NKIRAS1: variants seen among roughly 807,000 people sequenced by gnomAD.
NKIRAS1 encodes the protein NFKB inhibitor interacting Ras like 1.
In NKIRAS1, 16 loss-of-function variants were observed where a neutral mutation model predicts 19.8. That is an observed-to-expected ratio of 0.81 (90% confidence interval 0.55 to 1.23). The LOEUF (loss-of-function observed/expected upper bound fraction) is 1.23, where lower values mean the gene tolerates loss of function less well. Ranked by LOEUF, NKIRAS1 falls within the 50% of genes most tolerant of loss-of-function variation. The pLI is 0.00. For synonymous variants in NKIRAS1, 88 were observed against 79.0 expected (o/e 1.11, Z -0.61); for missense variants, 184 against 220.0 (o/e 0.84, Z 1.04).
chr3:23,946,030 GGCGCGCGC>G (rs561849691), intron 1 of NKIRAS1: 6 of 845,204 alleles, frequency 7.1e-6, no homozygotes, highest in African/African-American at 5.5e-5. Context: ...TGGGGGCGGG[GGCGCGCGC>G]GCGCGCGCTG....
intron 1 of NKIRAS1, among the ~76,000 whole-genome samples, chr3:23,943,068 G>C (rs1705537515): frequency 6.6e-6 from 1 of 151,578 alleles, no homozygotes; most frequent in South Asian, 2.1e-4. Flanking sequence ...GCTCACTCTT[G>C]ACGTTGTAGG....
In NKIRAS1 at chr3:23,946,090, G is replaced by T. The variant is rs116283045; in HGVS notation, c.-140+233C>A. 4,359 of 984,686 alleles carry T rather than the reference G, an allele frequency of 4.4e-3. 147 individuals carry two copies. The African/African-American group carries it at 0.072, about 16-fold the overall frequency. The allele number at this position is 984,686 out of a possible 1,614,324, so 61.0% of individuals were successfully genotyped here. A position where few individuals can be genotyped will look rare whatever the true frequency, so the allele number is the denominator to read the frequency against. ...CCTCCCGGGAGGCTCCGCCCCTTTG[G>T]AAGCCTCGGGGCAGTGACGTCGCCG... On this transcript the variant is annotated intron_variant, in intron 1 of 4. Coordinates refer to the NKIRAS1 transcript ENST00000421515.
At chr3:23,909,471 G>A (rs1241045836) in intron 3 of NKIRAS1, among the ~76,000 whole-genome samples, 1 of 152,222 alleles carries the variant, frequency 6.6e-6, no homozygotes, top group Admixed American at 6.5e-5. Context: ...AAGTTGCAGT[G>A]AGCCGAGATT....
At chr3:23,897,098 G>C (rs1228787367) in intron 4 of NKIRAS1, among the ~76,000 whole-genome samples, 1 of 152,074 alleles carries the variant, frequency 6.6e-6, no homozygotes, top group African/African-American at 2.4e-5. Flanking sequence ...TGTAGTCCCA[G>C]CTACTCAGGA....
intron 4 of NKIRAS1, among the ~76,000 whole-genome samples, chr3:23,898,948 G>A (rs1702242006): frequency 6.6e-6 from 1 of 152,140 alleles, no homozygotes. Flanking sequence ...CACATGTGAG[G>A]GATCTAGGTT....
intron 1 of NKIRAS1, among the ~76,000 whole-genome samples, chr3:23,936,701 C>A (rs1004486783): frequency 1.3e-5 from 2 of 152,142 alleles, no homozygotes; most frequent in Non-Finnish European, 2.9e-5. Context: ...TGCGTGCCAC[C>A]ACACCTGGCT....
At chr3:23,899,902 G>A (rs1464315243) in intron 4 of NKIRAS1, among the ~76,000 whole-genome samples, 4 of 152,192 alleles carry the variant, frequency 2.6e-5, no homozygotes, top group African/African-American at 9.7e-5. Context: ...GGTGGCTCAT[G>A]CCTGTAATCT....
intron 1 of NKIRAS1, among the ~76,000 whole-genome samples, chr3:23,932,691 A>G (rs1332995805): frequency 6.7e-6 from 1 of 149,718 alleles, no homozygotes; most frequent in Non-Finnish European, 1.5e-5. Flanking sequence ...TCCGTCTCAA[A>G]AAAAAAAAAA....
Position 23,927,818 on chromosome 3 carries a change from C to A in NKIRAS1, c.-139-16368G>T, listed in dbSNP as rs1253606384. 6.6e-6 allele frequency among the ~76,000 whole-genome samples: 1 copy of A among 151,932 alleles called. No individual in the cohort carries two copies. The highest frequency in any genetic ancestry group is 1.5e-5 in the Non-Finnish European group (1 of 67,976). On this transcript the variant is annotated intron_variant, in intron 1 of 4. Coordinates refer to the NKIRAS1 transcript ENST00000421515. The surrounding 1 kb of genome is among the most constrained non-coding windows in gnomAD (Gnocchi z 4.0). Reference sequence around the variant, plus strand: ...CCAAGGCTGGGCATGGTGGCTCATACCTGTAATCCTAGAAATTTGGGAGGC... The same window carrying A: ...CCAAGGCTGGGCATGGTGGCTCATAACTGTAATCCTAGAAATTTGGGAGGC...
chr3:23,918,456 G>A (rs1394815819), upstream of NKIRAS1: 1 of 1,612,602 alleles, frequency 6.2e-7, no homozygotes, highest in Non-Finnish European at 8.5e-7. Flanking sequence ...TTATATATAG[G>A]ATTCGTGTTC....
Position 23,891,402 on chromosome 3 carries a change from A to G in NKIRAS1, c.*1693T>C, listed in dbSNP as rs1007932807. The G allele has an allele frequency of 2.0e-5, 3 of 152,250 alleles. No homozygotes were observed. The highest frequency in any genetic ancestry group is 4.4e-5 in the Non-Finnish European group (3 of 68,044). The allele number at this position is 152,250 out of a possible 1,614,324, so 9.4% of individuals were successfully genotyped here. On this transcript the variant is annotated 3_prime_UTR_variant, in exon 5 of 5. Transcript: ENST00000425478. ...TCGATAGGTATCTGCTTCTAAAACAAGCTAAAAATAATGCATATTTAGTAG... is the reference window on the plus strand; with the variant it reads ...TCGATAGGTATCTGCTTCTAAAACAGGCTAAAAATAATGCATATTTAGTAG...
chr3:23,928,627 AC>A (rs1253639401), intron 1 of NKIRAS1, among the ~76,000 whole-genome samples: 1 of 151,524 alleles, frequency 6.6e-6, no homozygotes, highest in East Asian at 1.9e-4. Context: ...TTTAGGAGAA[AC>A]CGACAAGGGC....
At chr3:23,943,678 G>C (rs762398524) in intron 1 of NKIRAS1, among the ~76,000 whole-genome samples, 8 of 152,202 alleles carry the variant, frequency 5.3e-5, no homozygotes, top group Non-Finnish European at 7.3e-5. Flanking sequence ...GATGGTAGTT[G>C]ATACATGAAA....
chr3:23,895,037 A>T (rs760066824), intron 4 of NKIRAS1, among the ~76,000 whole-genome samples: 1 of 151,322 alleles, frequency 6.6e-6, no homozygotes, highest in Non-Finnish European at 1.5e-5. Context: ...CATATCCTAG[A>T]CCTTGTTTTG....
chr3:23,917,301 G>C (rs1027669422), upstream of NKIRAS1: 4 of 152,670 alleles, frequency 2.6e-5, no homozygotes, highest in Admixed American at 6.5e-5. Flanking sequence ...GTTTGGTCAG[G>C]ATGCGGGACA....
chr3:23,945,763 C>A (rs1705657250), intron 1 of NKIRAS1, among the ~76,000 whole-genome samples: 4 of 150,404 alleles, frequency 2.7e-5, no homozygotes, highest in Admixed American at 2.6e-4. Context: ...CCCCGGGCCG[C>A]CCGGCGCCCG....
chr3:23,913,036 G>A lies in NKIRAS1; in HGVS notation c.-139-1586C>T, dbSNP rs1272437148. Among the ~76,000 whole-genome samples, 18 of 102,238 alleles carry A rather than the reference G, an allele frequency of 1.8e-4. 1 individual carries two copies. The highest frequency in any genetic ancestry group is 4.0e-4 in the Admixed American group (3 of 7,494). 67.1% of individuals were successfully genotyped at this position (102,238 alleles called of 152,430 possible). A position where few individuals can be genotyped will look rare whatever the true frequency, so the allele number is the denominator to read the frequency against. On this transcript the variant is annotated intron_variant, in intron 1 of 4. Transcript: ENST00000425478. ...AGCCTGGGTGACAGAGTGAGACTCC[G>A]TCTCAAAAAAAAAAAAAAAAAAAAA...
At chr3:23,946,263 A>G in intron 1 of NKIRAS1, 2 of 985,452 alleles carry the variant, frequency 2.0e-6, no homozygotes, top group Non-Finnish European at 2.4e-6. Context: ...GGTGACCCCA[A>G]GGCGCGGACC....
rs998125876 is a variant in NKIRAS1, at chr3:23,922,829, C to G, written c.-139-11379G>C. The G allele has an allele frequency of 1.3e-5, 2 of 152,162 alleles. No homozygotes were observed. Among genetic ancestry groups the G allele is most frequent in the African/African-American group, 4.8e-5 (2 of 41,394 alleles). The allele number at this position is 152,162 out of a possible 1,614,324, so 9.4% of individuals were successfully genotyped here. On this transcript the variant is annotated intron_variant, in intron 1 of 4. Coordinates refer to the NKIRAS1 transcript ENST00000421515. The surrounding 1 kb of genome is among the most constrained non-coding windows in gnomAD (Gnocchi z 4.2). ...TTAACAATATTTTTTTATTTTGAGA[C>G]AGGGTCTCACTGTTGCCCAGGCTGG... is the stretch of plus-strand genomic sequence containing the variant.
Sources: gnomAD v4.1 joint callset for allele counts (sites outside exome capture counted in the v4.1 genomes callset) on GRCh38, gnomAD v4.1.1 for gene constraint, Gnocchi (gnomAD v3.1) non-coding constraint, MANE v1.5 for transcripts, NCBI Gene and HGNC (gene_info 2026-07-23, HGNC 2026-07-21) for gene names.